ARL10: variants seen among roughly 807,000 people sequenced by gnomAD.
The protein encoded by ARL10 is ADP-ribosylation factor-like protein 10.
A neutral mutation model predicts 26.1 loss-of-function variants in ARL10; 23 were observed. The observed-to-expected ratio is 0.88, with a 90% CI of 0.63 to 1.25. The LOEUF (loss-of-function observed/expected upper bound fraction) is 1.25, where lower values mean the gene tolerates loss of function less well. Among genes scored for constraint, ARL10 ranks in the 50% most tolerant of loss-of-function variants. The probability of loss-of-function intolerance (pLI) is 0.00; values close to 1 mark genes in which losing one functional copy is unlikely to be tolerated. For missense variants in ARL10, 300 were observed against 323.6 expected, an observed-to-expected ratio of 0.93 and a Z score of 0.56; for synonymous variants, 138 against 149.1, an observed-to-expected ratio of 0.93 and a Z score of 0.54.
chr5:176,384,951 ACT>A (rs1166520174), downstream of ARL10: 30 of 579,986 alleles, frequency 5.2e-5, no homozygotes, highest in South Asian at 6.1e-4. Flanking sequence ...ACTGAGCAAG[ACT>A]CTGTCTTGAA....
At chr5:176,401,389 C>T (rs1370758949) in intron 1 of ARL10, among the ~76,000 whole-genome samples, 1 of 152,264 alleles carries the variant, frequency 6.6e-6, no homozygotes, top group Non-Finnish European at 1.5e-5. Flanking sequence ...GACCACCACC[C>T]AATCCCCACT....
At chr5:176,387,926 G>A (rs1756015925) in intron 1 of ARL10, among the ~76,000 whole-genome samples, 1 of 152,200 alleles carries the variant, frequency 6.6e-6, no homozygotes, top group African/African-American at 2.4e-5. Context: ...CTCTTAGGGA[G>A]TACTAATTAG....
At position 176,376,269 on chromosome 5, in the gene ARL10, T is replaced by A. The variant is rs1232530769; in HGVS notation, c.*4374T>A. 6.8e-6 allele frequency: 1 copy of A among 147,782 alleles called. No individual in the cohort carries two copies. Among genetic ancestry groups the A allele is most frequent in the Non-Finnish European group, 1.5e-5 (1 of 67,686 alleles). The allele number at this position is 147,782 out of a possible 1,614,324, so 9.2% of individuals were successfully genotyped here. ...CCCACCTACTAGGGAGGCTGAGGCATGAGAATCACTTAAACTTGGGAGGCA... is the reference window on the plus strand; with the variant it reads ...CCCACCTACTAGGGAGGCTGAGGCAAGAGAATCACTTAAACTTGGGAGGCA... On this transcript the variant is annotated 3_prime_UTR_variant, in exon 4 of 4. Transcript: ENST00000310389.
intron 1 of ARL10, chr5:176,387,091 T>A: frequency 1.7e-6 from 1 of 585,282 alleles, no homozygotes; most frequent in Non-Finnish European, 3.0e-6. Flanking sequence ...TTTTTTTTTC[T>A]TTTTCTTTTT....
intron 3 of ARL10, 84 bp from the exon 4 acceptor site, chr5:176,371,638 G>C: frequency 1.8e-6 from 2 of 1,092,826 alleles, no homozygotes; most frequent in Admixed American, 3.6e-5. Flanking sequence ...GATAGCCTAA[G>C]AACAGTGTGT....
downstream of ARL10, among the ~76,000 whole-genome samples, chr5:176,404,531 G>C (rs1182201344): frequency 6.6e-6 from 1 of 152,226 alleles, no homozygotes; most frequent in African/African-American, 2.4e-5. Context: ...CAGGTCTTCT[G>C]ACTCCATCTA....
chr5:176,385,240 T>G (rs749478336), downstream of ARL10: 2 of 1,609,070 alleles, frequency 1.2e-6, no homozygotes, highest in Non-Finnish European at 8.5e-7. Flanking sequence ...CTCCCCGTGG[T>G]TCTCTACCAT....
At chr5:176,388,382 C>T (rs767899190) in exon 2 of ARL10, 29 of 1,612,686 alleles carry the variant, frequency 1.8e-5, no homozygotes, top group Non-Finnish European at 2.4e-5. Flanking sequence ...CGTCATCTCG[C>T]GGACCGTCCC....
chr5:176,376,266 G>C lies in ARL10; in HGVS notation c.*4371G>C, dbSNP rs1768692139. ...AGTCCCACCTACTAGGGAGGCTGAG[G>C]CATGAGAATCACTTAAACTTGGGAG... On this transcript the variant is annotated 3_prime_UTR_variant, in exon 4 of 4. Coordinates refer to ENST00000310389, the MANE Select transcript of ARL10 (RefSeq NM_173664.6). 6.6e-6 allele frequency: 1 copy of C among 150,492 alleles called. No homozygotes were observed. The highest frequency in any genetic ancestry group is 1.5e-5 in the Non-Finnish European group (1 of 67,950). 9.3% of individuals were successfully genotyped at this position (150,492 alleles called of 1,614,324 possible). A position where few individuals can be genotyped will look rare whatever the true frequency, so the allele number is the denominator to read the frequency against.
At chr5:176,384,344 G>A (rs769866161), downstream of ARL10, 4 of 1,614,146 alleles carry the variant, frequency 2.5e-6, no homozygotes, top group South Asian at 1.1e-5. Context: ...GGGGTATCTT[G>A]ATAGTAATTC....
chr5:176,405,259 C>T (rs531541904), downstream of ARL10, among the ~76,000 whole-genome samples: 1 of 152,164 alleles, frequency 6.6e-6, no homozygotes, highest in East Asian at 1.9e-4. Context: ...GGAGGCTGAG[C>T]AGGAGGACTG....
chr5:176,389,748 C>T, downstream of ARL10: 1 of 405,652 alleles, frequency 2.5e-6, no homozygotes, highest in East Asian at 4.0e-5. Context: ...CTCTAAAAAT[C>T]CACTTGTATT....
At chr5:176,385,389 C>T (rs1290880288), downstream of ARL10, 4 of 1,018,044 alleles carry the variant, frequency 3.9e-6, no homozygotes, top group Middle Eastern at 2.2e-4. Flanking sequence ...GCTCTTTGAG[C>T]TGTCCAATCA....
chr5:176,366,729 AGCCCAC>A, intron 2 of ARL10, 148 bp downstream of exon 2: 1 of 1,007,390 alleles, frequency 9.9e-7, no homozygotes, highest in Middle Eastern at 2.1e-4. Flanking sequence ...CACAGGATTC[AGCCCAC>A]GCTCTGTGCT....
chr5:176,395,788 T>C (rs1430445812), intron 1 of ARL10, among the ~76,000 whole-genome samples: 2 of 152,096 alleles, frequency 1.3e-5, no homozygotes, highest in South Asian at 2.1e-4. Flanking sequence ...GGAGCAGCTC[T>C]TGTCCTTTAC....
intron 1 of ARL10, chr5:176,398,162 C>T (rs1756643317): frequency 5.9e-6 from 5 of 842,936 alleles, no homozygotes; most frequent in South Asian, 1.5e-5. Flanking sequence ...CAACCTCATA[C>T]CCACTGTCTC....
intron 1 of ARL10, among the ~76,000 whole-genome samples, chr5:176,397,142 T>G (rs1023780973): frequency 6.6e-6 from 1 of 152,062 alleles, no homozygotes; most frequent in African/African-American, 2.4e-5. Context: ...CCTCCTTATC[T>G]CCATCTCCTC....
At chr5:176,396,423 T>C (rs1756521438) in intron 1 of ARL10, 6 of 1,421,456 alleles carry the variant, frequency 4.2e-6, no homozygotes, top group Middle Eastern at 1.8e-4. Context: ...CTCAAGAAAC[T>C]GTGGTGGCCA....
rs955588539 is a variant in ARL10 at position 176,394,687 on chromosome 5, C to T, written c.134-7054C>T. 3.2e-4 allele frequency among the ~76,000 whole-genome samples: 48 copies of T among 152,068 alleles called. 1 individual carries two copies. Among genetic ancestry groups the T allele is most frequent in the Admixed American group, 2.6e-4 (4 of 15,270 alleles). ...AAAATTAGCCGGGCATGGTGGCGGG[C>T]ACCTGTAGTCCCAGCTACTCAGGAG... On this transcript the variant is annotated intron_variant, in intron 1 of 1. Transcript: ENST00000514533.
Sources: allele counts gnomAD v4.1 joint callset (sites outside exome capture counted in the v4.1 genomes callset), GRCh38; gene constraint gnomAD v4.1.1; transcripts MANE v1.5; gene names NCBI Gene and HGNC (gene_info 2026-07-23, HGNC 2026-07-21).